The following LZTFL1 variants were observed in gnomAD, a reference collection of about 807,000 sequenced individuals.
The protein encoded by LZTFL1 is leucine zipper transcription factor like 1.
LZTFL1 carries 25 observed loss-of-function variants against 45.9 expected under a neutral mutation model. The observed-to-expected ratio is 0.54, with a 90% confidence interval of 0.40 to 0.76. The LOEUF (loss-of-function observed/expected upper bound fraction) is 0.76, where lower values mean the gene tolerates loss of function less well. LZTFL1 is among the 30% of genes least tolerant of loss of function. LZTFL1 has a pLI of 0.00. For synonymous variants in LZTFL1, 93 were observed against 117.4 expected (o/e 0.79, Z 1.35); for missense variants, 277 against 331.1 (o/e 0.84, Z 1.27).
intron 2 of LZTFL1, among the ~76,000 whole-genome samples, chr3:45,885,076 G>A (rs1701944854): frequency 6.6e-6 from 1 of 152,136 alleles, no homozygotes; most frequent in Non-Finnish European, 1.5e-5. Context: ...CCTATTTGTT[G>A]GCCTTTTTCC....
intron 4 of LZTFL1, among the ~76,000 whole-genome samples, chr3:45,833,441 G>A (rs1342831923): frequency 6.6e-6 from 1 of 152,174 alleles, no homozygotes; most frequent in South Asian, 2.1e-4. Context: ...ATCTGATATA[G>A]AGCCTAGCAT....
chr3:45,850,767 CGTCCTTCACA>C (rs1257735622), intron 4 of LZTFL1, among the ~76,000 whole-genome samples: 2 of 152,124 alleles, frequency 1.3e-5, no homozygotes, highest in African/African-American at 4.8e-5. Context: ...GTAGTCTGTG[CGTCCTTCACA>C]GTCACCTCCT....
chr3:45,836,397 G>A (rs761942344), intron 2 of LZTFL1, among the ~76,000 whole-genome samples: 5 of 152,154 alleles, frequency 3.3e-5, no homozygotes, highest in Non-Finnish European at 5.9e-5. Context: ...GCTCATGCCT[G>A]TAATCCCAGC....
intron 2 of LZTFL1, among the ~76,000 whole-genome samples, chr3:45,906,735 G>A (rs1702686721): frequency 6.6e-6 from 1 of 152,222 alleles, no homozygotes; most frequent in South Asian, 2.1e-4. Flanking sequence ...TGGCTGTGGA[G>A]CCTTAATTCC....
chr3:45,913,171 C>A, exon 2 of LZTFL1: 1 of 1,534,634 alleles, frequency 6.5e-7, no homozygotes, highest in Non-Finnish European at 8.7e-7. Flanking sequence ...TGACTTACAG[C>A]AAGAGCCTAG....
chr3:45,842,002 A>T lies in LZTFL1; in HGVS notation c.-11T>A, dbSNP rs779236684. 6.2e-7 allele frequency: 1 copy of T among 1,609,540 alleles called. No individual in the cohort carries two copies. Among genetic ancestry groups the T allele is most frequent in the South Asian group, 1.1e-5 (1 of 90,810 alleles). On this transcript the variant is annotated 5_prime_UTR_variant, in exon 1 of 10. Coordinates refer to ENST00000296135, the MANE Select transcript of LZTFL1 (RefSeq NM_020347.4). ...TCGGTTACTCACCATGGCGGCAGGC[A>T]GCGGCGGCAGCCTAAAGGAACGGGA...
intron 2 of LZTFL1, among the ~76,000 whole-genome samples, chr3:45,889,893 C>T (rs1013996461): frequency 6.6e-6 from 1 of 151,400 alleles, no homozygotes; most frequent in Non-Finnish European, 1.5e-5. Flanking sequence ...AACATATATC[C>T]CTATACCTGG....
At chr3:45,857,217 G>T (rs1424472448) in intron 3 of LZTFL1, among the ~76,000 whole-genome samples, 1 of 152,230 alleles carries the variant, frequency 6.6e-6, no homozygotes, top group Non-Finnish European at 1.5e-5. Context: ...AATGTCCTTT[G>T]CAGGGATATG....
intron 2 of LZTFL1, among the ~76,000 whole-genome samples, chr3:45,877,329 G>A (rs1701764357): frequency 6.6e-6 from 1 of 151,508 alleles, no homozygotes. Context: ...CGCCTCCCAG[G>A]TTCAAGCAAT....
intron 2 of LZTFL1, among the ~76,000 whole-genome samples, chr3:45,876,953 A>G (rs1396332300): frequency 6.6e-6 from 1 of 152,126 alleles, no homozygotes; most frequent in Admixed American, 6.5e-5. Context: ...GCTCTCTTCA[A>G]AGCCTCCTGG....
At chr3:45,886,744 G>A (rs897075834) in intron 2 of LZTFL1, 4 of 152,246 alleles carry the variant, frequency 2.6e-5, no homozygotes, top group African/African-American at 9.7e-5. Context: ...TAAAACCTGG[G>A]CTTGCACTCA....
chr3:45,894,935 T>C (rs1702305761), intron 2 of LZTFL1: 1 of 1,613,988 alleles, frequency 6.2e-7, no homozygotes, highest in Non-Finnish European at 8.5e-7. Context: ...TGACCCACCA[T>C]GACACCCACA....
At chr3:45,880,827 GCC>G (rs1290775076) in intron 2 of LZTFL1, among the ~76,000 whole-genome samples, 1 of 152,004 alleles carries the variant, frequency 6.6e-6, no homozygotes, top group East Asian at 1.9e-4. Context: ...CAGTGTGAGG[GCC>G]CCCTTCCCAC....
chr3:45,862,651 C>T (rs1289608172), intron 2 of LZTFL1, among the ~76,000 whole-genome samples: 1 of 152,164 alleles, frequency 6.6e-6, no homozygotes, highest in Non-Finnish European at 1.5e-5. Context: ...ATCTTACTTG[C>T]TGTAAGTAAG....
chr3:45,856,505 C>A (rs1701395482), intron 3 of LZTFL1, among the ~76,000 whole-genome samples: 1 of 152,020 alleles, frequency 6.6e-6, no homozygotes, highest in Admixed American at 6.6e-5. Context: ...ACATCAAAAG[C>A]AACCACAACA....
chr3:45,841,909 G>T, intron 1 of LZTFL1, 80 bp downstream of exon 1: 1 of 1,547,740 alleles, frequency 6.5e-7, no homozygotes, highest in Admixed American at 1.8e-5. Flanking sequence ...TAATCATTCC[G>T]GGCCCACCCG....
chr3:45,914,576 A>T (rs1004523481), intron 1 of LZTFL1, among the ~76,000 whole-genome samples: 25 of 152,162 alleles, frequency 1.6e-4, no homozygotes, highest in Non-Finnish European at 3.4e-4. Flanking sequence ...ACCTGGCTGG[A>T]TCTGCATTTT....
intron 4 of LZTFL1, among the ~76,000 whole-genome samples, chr3:45,853,221 T>C (rs547083448): frequency 6.6e-6 from 1 of 152,204 alleles, no homozygotes; most frequent in Non-Finnish European, 1.5e-5. Context: ...TTGAATTAGA[T>C]GTACTGGGCA....
intron 8 of LZTFL1, 121 bp from the exon 9 acceptor site, chr3:45,827,580 C>G: frequency 1.6e-6 from 1 of 643,812 alleles, no homozygotes; most frequent in Non-Finnish European, 2.7e-6. Context: ...TAATGATTTT[C>G]TAATTTCCTT....
Sources: gnomAD v4.1 joint callset for allele counts (sites outside exome capture counted in the v4.1 genomes callset) on GRCh38, gnomAD v4.1.1 for gene constraint, MANE v1.5 for transcripts, NCBI Gene and HGNC (gene_info 2026-07-23, HGNC 2026-07-21) for gene names.